IFNGR1: variants seen among roughly 807,000 people sequenced by gnomAD.
IFNGR1 encodes interferon gamma receptor 1, also known as AVP, type 2.
IFNGR1 carries 23 observed loss-of-function variants against 35.4 expected under a neutral mutation model. The observed-to-expected ratio is 0.65, with a 90% CI of 0.47 to 0.92. The LOEUF (loss-of-function observed/expected upper bound fraction) is 0.92, where lower values mean the gene tolerates loss of function less well. Among genes scored for constraint, IFNGR1 ranks in the 40% least tolerant of loss-of-function variants. The probability of loss-of-function intolerance (pLI) is 0.00; values close to 1 mark genes in which losing one functional copy is unlikely to be tolerated. For synonymous variants in IFNGR1, 199 were observed against 209.5 expected (o/e 0.95, Z 0.43); for missense variants, 533 against 583.4 (o/e 0.91, Z 0.89).
intron 1 of IFNGR1, among the ~76,000 whole-genome samples, chr6:137,214,217 C>A (rs1779638915): frequency 6.6e-6 from 1 of 152,214 alleles, no homozygotes; most frequent in South Asian, 2.1e-4. Flanking sequence ...AAGGTTTCAT[C>A]TGCACAGCAA....
chr6:137,203,621 A>G lies in IFNGR1; in HGVS notation c.611T>C (p.Ile204Thr). 1.2e-6 allele frequency: 2 copies of G among 1,611,888 alleles called. No individual in the cohort carries two copies. The highest frequency in any genetic ancestry group is 1.7e-6 in the Non-Finnish European group (2 of 1,178,020). Reference sequence around the variant, plus strand: ...CTGAGAATTCAGTGAGGATACTGGAATCGCTAACTGGCACTGAATCTCGTC... The same window carrying G: ...CTGAGAATTCAGTGAGGATACTGGAGTCGCTAACTGGCACTGAATCTCGTC... ...DCDEIQCQLA[I>T]PVSSLNSQYC... Residue 204 changes from isoleucine (I) to threonine (T), a missense_variant, in exon 5 of 7, where the codon ATT becomes ACT. Physicochemically the swap from Ile to Thr is moderately conservative, Grantham distance 89. Coordinates refer to ENST00000367739, the MANE Select transcript of IFNGR1 (RefSeq NM_000416.3).
chr6:137,197,781 T>C lies in IFNGR1; in HGVS notation c.*250A>G. On this transcript the variant is annotated 3_prime_UTR_variant, in exon 7 of 7. Coordinates refer to ENST00000367739, the MANE Select transcript of IFNGR1 (RefSeq NM_000416.3). Reference sequence around the variant, plus strand: ...GTACTGGATACTGTTCCGTTACTGGTAACCTATCTGGATGTAAAGGTTCAT... The same window carrying C: ...GTACTGGATACTGTTCCGTTACTGGCAACCTATCTGGATGTAAAGGTTCAT... The C allele has an allele frequency of 2.3e-6, 1 of 434,178 alleles. No individual in the cohort carries two copies. Among genetic ancestry groups the C allele is most frequent in the East Asian group, 5.0e-5 (1 of 20,186 alleles). The allele number at this position is 434,178 out of a possible 1,614,324, so 26.9% of individuals were successfully genotyped here.
At chr6:137,201,686 C>CAA (rs1319358716) in intron 5 of IFNGR1, among the ~76,000 whole-genome samples, 31 of 140,948 alleles carry the variant, frequency 2.2e-4, no homozygotes, top group South Asian at 9.5e-4. Flanking sequence ...CAAAACAAAA[C>CAA]AACAAAAAAA....
At chr6:137,210,525 C>A (rs2114500956) in intron 1 of IFNGR1, among the ~76,000 whole-genome samples, 1 of 152,222 alleles carries the variant, frequency 6.6e-6, no homozygotes, top group African/African-American at 2.4e-5. Context: ...ATAACTAAAA[C>A]AAATAAATGA....
chr6:137,219,130 G>A, intron 1 of IFNGR1, 113 bp downstream of exon 1: 4 of 1,389,676 alleles, frequency 2.9e-6, no homozygotes, highest in East Asian at 2.5e-5. Flanking sequence ...CCCGACGCAG[G>A]GGTCCCGGGC....
rs773885039 is a variant in IFNGR1 at position 137,219,319 on chromosome 6, G to A, written c.9C>T (p.Leu3=). Residue 3 remains leucine, a synonymous_variant, in exon 1 of 7, where the codon CTC becomes CTT. Coordinates refer to ENST00000367739, the MANE Select transcript of IFNGR1 (RefSeq NM_000416.3). The part of the protein sequence containing the change: MA[L]LFLLPLVMQG... The stretch of plus-strand genomic sequence containing the variant: ...GCATGACAAGGGGTAGGAGAAAGAG[G>A]AGAGCCATGCTGCTACCGACGGTCG... The A allele has an allele frequency of 6.2e-7, 1 of 1,608,278 alleles. No homozygotes were observed. The highest frequency in any genetic ancestry group is 8.5e-7 in the Non-Finnish European group (1 of 1,177,764).
intron 3 of IFNGR1, among the ~76,000 whole-genome samples, chr6:137,205,600 G>C (rs1779409162): frequency 6.6e-6 from 1 of 152,166 alleles, no homozygotes; most frequent in African/African-American, 2.4e-5. Context: ...AGTCCTTAGT[G>C]AATATAACTT....
chr6:137,212,600 T>C (rs1266714551), intron 1 of IFNGR1, among the ~76,000 whole-genome samples: 1 of 152,128 alleles, frequency 6.6e-6, no homozygotes, highest in African/African-American at 2.4e-5. Context: ...GGCTTTATAA[T>C]GGTATACGCT....
intron 1 of IFNGR1, among the ~76,000 whole-genome samples, chr6:137,217,589 G>A (rs1351606633): frequency 6.6e-6 from 1 of 152,172 alleles, no homozygotes; most frequent in Non-Finnish European, 1.5e-5. Flanking sequence ...TGCCAAGTGT[G>A]GAAAGCTGTC....
At chr6:137,208,742 T>A (rs1779508293) in intron 1 of IFNGR1, among the ~76,000 whole-genome samples, 1 of 152,244 alleles carries the variant, frequency 6.6e-6, no homozygotes, top group African/African-American at 2.4e-5. Flanking sequence ...AGGGCCCTCA[T>A]GGAGAACCTC....
intron 1 of IFNGR1, among the ~76,000 whole-genome samples, chr6:137,214,787 C>G (rs1010423390): frequency 1.3e-5 from 2 of 152,160 alleles, no homozygotes; most frequent in Non-Finnish European, 2.9e-5. Context: ...AATTGAAAAA[C>G]AGTTGAGGAA....
At chr6:137,212,161 T>C (rs1393262056) in intron 1 of IFNGR1, among the ~76,000 whole-genome samples, 3 of 152,214 alleles carry the variant, frequency 2.0e-5, no homozygotes, top group Admixed American at 6.5e-5. Context: ...TTGGTGTCAC[T>C]GAAGGCTACA....
chr6:137,218,396 A>G (rs1209481555), intron 1 of IFNGR1: 5 of 857,816 alleles, frequency 5.8e-6, no homozygotes, highest in Non-Finnish European at 8.4e-6. Context: ...GGAAATGTCA[A>G]TAAGCAGGTG....
chr6:137,206,006 C>T (rs1194149122), intron 3 of IFNGR1, 130 bp downstream of exon 3: 2 of 785,626 alleles, frequency 2.5e-6, no homozygotes, highest in East Asian at 2.6e-5. Context: ...CCTGTACTGA[C>T]TCTAAATTCC....
intron 6 of IFNGR1, among the ~76,000 whole-genome samples, chr6:137,198,895 G>A (rs1779168915): frequency 6.6e-6 from 1 of 152,158 alleles, no homozygotes; most frequent in South Asian, 2.1e-4. Context: ...TTAATACTGA[G>A]TGTCAACTTG....
chr6:137,201,657 G>T (rs1019769631), intron 5 of IFNGR1, among the ~76,000 whole-genome samples: 1 of 151,664 alleles, frequency 6.6e-6, no homozygotes. Context: ...TGGTGACAGA[G>T]CGAGACTCCA....
intron 1 of IFNGR1, among the ~76,000 whole-genome samples, chr6:137,212,261 C>T (rs1376352739): frequency 6.6e-6 from 1 of 152,100 alleles, no homozygotes; most frequent in Non-Finnish European, 1.5e-5. Flanking sequence ...TTTTAAGCTC[C>T]ACTCCCCTCC....
chr6:137,206,713 A>G (rs1480240580), intron 2 of IFNGR1: 1 of 518,910 alleles, frequency 1.9e-6, no homozygotes, highest in Middle Eastern at 4.4e-4. Context: ...CATAGTAACT[A>G]TTAGCTTTAT....
At chr6:137,199,143 G>C (rs1330576283) in intron 6 of IFNGR1, among the ~76,000 whole-genome samples, 1 of 151,490 alleles carries the variant, frequency 6.6e-6, no homozygotes, top group Non-Finnish European at 1.5e-5. Flanking sequence ...TCCTGCCCTT[G>C]AACATCGGAC....
Sources: allele counts gnomAD v4.1 joint callset (sites outside exome capture counted in the v4.1 genomes callset), GRCh38; gene constraint gnomAD v4.1.1; transcripts MANE v1.5; gene names NCBI Gene and HGNC (gene_info 2026-07-23, HGNC 2026-07-21).